Variants in ABCA4 observed in about 807,000 individuals in gnomAD.
ABCA4 encodes the protein ATP binding cassette subfamily A member 4, also known as retinal-specific phospholipid-transporting ATPase ABCA4.
In ABCA4, 196 loss-of-function variants were observed where a neutral mutation model predicts 263.7. The ratio of observed to expected loss-of-function variants is 0.74; its 90% CI spans 0.66 to 0.84. ABCA4 has a LOEUF of 0.84. Ranked by LOEUF, ABCA4 falls within the 40% of genes least tolerant of loss-of-function variation. The pLI is 0.00. For missense variants in ABCA4, 2,792 were observed against 2,855.1 expected, an observed-to-expected ratio of 0.98 and a Z score of 0.50; for synonymous variants, 1,133 against 1,094.2, an observed-to-expected ratio of 1.04 and a Z score of -0.70.
chr1:94,045,848 G>T lies in ABCA4; in HGVS notation c.2918+1071C>A, dbSNP rs181419124. On this transcript the variant is annotated intron_variant, in intron 19 of 49. Coordinates refer to ENST00000370225, the MANE Select transcript of ABCA4 (RefSeq NM_000350.3). ...AGGACTTGAAGACTGTGTCACGTGG[G>T]TTCGCTGCCCCCTGCGAGGTCCGTG... The T allele has an allele frequency of 1.8e-5, 8 of 456,238 alleles. No individual in the cohort carries two copies. The East Asian group carries it at 4.9e-4, about 28-fold the overall frequency. 28.3% of individuals were successfully genotyped at this position (456,238 alleles called of 1,614,324 possible).
At chr1:94,024,661 C>G (rs909242522) in intron 31 of ABCA4, among the ~76,000 whole-genome samples, 1 of 152,060 alleles carries the variant, frequency 6.6e-6, no homozygotes, top group Non-Finnish European at 1.5e-5. Flanking sequence ...TGAATAACTT[C>G]TATGGTCTTC....
chr1:94,087,395 A>G (rs1294959242), intron 6 of ABCA4, among the ~76,000 whole-genome samples: 1 of 152,320 alleles, frequency 6.6e-6, no homozygotes, highest in East Asian at 1.9e-4. Flanking sequence ...CAATATTGCT[A>G]AAAGTCATAA....
At position 94,005,461 on chromosome 1, in the gene ABCA4, G is replaced by T. The variant is rs763230559; in HGVS notation, c.6127C>A (p.Pro2043Thr). ...LYLYARLRGVPAEEIEKVANW... is the reference protein window; with the variant it reads ...LYLYARLRGVTAEEIEKVANW... ...TTCACCTTTTCGATTTCTTCTGCTG[G>T]TACACCTCGAAGCCGGGCATAAAGG... is the stretch of plus-strand genomic sequence containing the variant. The change falls in exon 44 of 50, where the codon CCA becomes ACA. Residue 2043 changes from proline to threonine, a missense_variant. Coordinates refer to ENST00000370225, the MANE Select transcript of ABCA4 (RefSeq NM_000350.3). 1 of 1,614,128 alleles carries T rather than the reference G, an allele frequency of 6.2e-7. No individual in the cohort carries two copies. The highest frequency in any genetic ancestry group is 1.1e-5 in the South Asian group (1 of 91,084).
chr1:94,001,425 A>C (rs941956060), intron 45 of ABCA4: 5 of 504,336 alleles, frequency 9.9e-6, no homozygotes, highest in Middle Eastern at 1.1e-3. Context: ...GAGGTCACTC[A>C]GGTCACTTCC....
intron 45 of ABCA4, 79 bp downstream of exon 45, chr1:94,001,779 C>A: frequency 6.2e-7 from 1 of 1,604,128 alleles, no homozygotes; most frequent in South Asian, 1.1e-5. Flanking sequence ...CTAAATCTGC[C>A]GACCCAGAAC....
chr1:94,081,382 T>C (rs1661697531), intron 7 of ABCA4, among the ~76,000 whole-genome samples: 1 of 152,174 alleles, frequency 6.6e-6, no homozygotes, highest in Admixed American at 6.5e-5. Context: ...TTGGGTTCTG[T>C]TGTCCCACCA....
chr1:94,083,231 G>T, intron 7 of ABCA4, 121 bp downstream of exon 7: 1 of 938,136 alleles, frequency 1.1e-6, no homozygotes, highest in Non-Finnish European at 1.7e-6. Flanking sequence ...ATTGCTAGAT[G>T]GAAAGATCAA....
intron 10 of ABCA4, 129 bp downstream of exon 10, chr1:94,078,461 C>T (rs2101102410): frequency 1.4e-6 from 1 of 736,734 alleles, no homozygotes. Context: ...GCCTTTGGGG[C>T]CTGCTTGTTG....
At chr1:94,116,972 T>TTCTTTCTC (rs1193565866) in intron 1 of ABCA4, among the ~76,000 whole-genome samples, 1 of 76,668 alleles carries the variant, frequency 1.3e-5, no homozygotes, top group African/African-American at 4.7e-5. Flanking sequence ...TTCTTTCTCT[T>TTCTTTCTC]TCTTTCTTTC....
chr1:94,108,745 A>AAT (rs1347055912), intron 3 of ABCA4, 29 bp from the exon 4 acceptor site: 1 of 1,612,552 alleles, frequency 6.2e-7, no homozygotes, highest in East Asian at 2.2e-5. Context: ...ATTAATAAGG[A>AAT]AATAGCTGTT....
chr1:94,009,891 A>G (rs1320415063), intron 40 of ABCA4, among the ~76,000 whole-genome samples: 1 of 152,242 alleles, frequency 6.6e-6, no homozygotes, highest in Non-Finnish European at 1.5e-5. Context: ...GCCAAGGACA[A>G]CAATTCCTGA....
chr1:94,019,031 T>G (rs997210989), intron 36 of ABCA4, among the ~76,000 whole-genome samples: 23 of 144,368 alleles, frequency 1.6e-4, no homozygotes, highest in African/African-American at 6.2e-4. Flanking sequence ...TTTTTTTTTT[T>G]TTTTTTTTTT....
intron 6 of ABCA4, among the ~76,000 whole-genome samples, chr1:94,089,867 T>C (rs1165800364): frequency 6.6e-6 from 1 of 152,234 alleles, no homozygotes; most frequent in East Asian, 1.9e-4. Flanking sequence ...ATGTGAACTA[T>C]ACATACATTT....
chr1:94,091,169 C>T (rs1277026928), intron 6 of ABCA4, among the ~76,000 whole-genome samples: 2 of 152,134 alleles, frequency 1.3e-5, no homozygotes, highest in African/African-American at 4.8e-5. Flanking sequence ...TGGTTAATAC[C>T]CTTTTTTCCA....
rs146233220 is a variant in ABCA4, at chr1:94,075,227, C to T, written c.1554+2463G>A. 5.9e-3 allele frequency among the ~76,000 whole-genome samples: 904 copies of T among 152,086 alleles called. 6 individuals are homozygous for T. The highest frequency in any genetic ancestry group is 9.1e-3 in the Non-Finnish European group (620 of 68,006). ...TAGCTAATGCATGTGGGGCTTAAAA[C>T]CTAGATGATGGGTTGACAAGTGCAG... On this transcript the variant is annotated intron_variant, in intron 11 of 49. Coordinates refer to ENST00000370225, the MANE Select transcript of ABCA4 (RefSeq NM_000350.3).
At chr1:94,113,940 G>A in intron 1 of ABCA4, among the ~76,000 whole-genome samples, 1 of 152,240 alleles carries the variant, frequency 6.6e-6, no homozygotes, top group South Asian at 2.1e-4. Context: ...GGGGGTTGGA[G>A]ATGTGGAATT....
At position 94,001,001 on chromosome 1, in the gene ABCA4, C is replaced by T. The variant is rs745654673; in HGVS notation, c.6386+1G>A. The T allele has an allele frequency of 4.3e-6, 7 of 1,614,128 alleles. No individual in the cohort carries two copies. Among genetic ancestry groups the T allele is most frequent in the Non-Finnish European group, 5.1e-6 (6 of 1,180,000 alleles). ...CTTCCCCAGCCCTGGGAATCTCTTG[C>T]CTGTGGGATGTGAGGACCACAGCCC... On this transcript the variant is annotated splice_donor_variant, in intron 46 of 49. Transcript: ENST00000370225. LOFTEE classifies it high-confidence loss of function.
In ABCA4 at chr1:94,025,893, T is replaced by G. The variant is rs144851544; in HGVS notation, c.4540-845A>C. 1.8e-4 allele frequency among the ~76,000 whole-genome samples: 27 copies of G among 152,322 alleles called. No individual in the cohort carries two copies. In the East Asian group the frequency reaches 5.2e-3, roughly 29 times the overall value. On this transcript the variant is annotated intron_variant, in intron 30 of 49. Coordinates refer to ENST00000370225, the MANE Select transcript of ABCA4 (RefSeq NM_000350.3). ...GCTGTTGTGTCCCCAGCACCCAGAA[T>G]AGTGGGTGGCATACAGATGACACAG...
At chr1:94,072,743 C>T (rs1319320370) in intron 11 of ABCA4, among the ~76,000 whole-genome samples, 2 of 152,134 alleles carry the variant, frequency 1.3e-5, no homozygotes, top group Non-Finnish European at 2.9e-5. Flanking sequence ...TGAATGTCTC[C>T]CCATGAGTGA....
Sources: allele counts gnomAD v4.1 joint callset (sites outside exome capture counted in the v4.1 genomes callset), GRCh38; gene constraint gnomAD v4.1.1; transcripts MANE v1.5; gene names NCBI Gene and HGNC (gene_info 2026-07-23, HGNC 2026-07-21).